Variants in KCNH8 observed in about 807,000 individuals in gnomAD.
The protein encoded by KCNH8 is voltage-gated delayed rectifier potassium channel KCNH8.
In KCNH8, 70 loss-of-function variants were observed where a neutral mutation model predicts 103.6. The ratio of observed to expected loss-of-function variants is 0.68; its 90% CI spans 0.56 to 0.82. The LOEUF is 0.82. KCNH8 is among the 40% of genes least tolerant of loss of function. The pLI is 0.00. For synonymous variants in KCNH8, 498 were observed against 489.4 expected, an observed-to-expected ratio of 1.02 and a Z score of -0.23; for missense variants, 1,217 against 1,329.9, an observed-to-expected ratio of 0.92 and a Z score of 1.32.
intron 11 of KCNH8, among the ~76,000 whole-genome samples, chr3:19,470,660 G>A (rs984432105): frequency 2.6e-5 from 4 of 152,250 alleles, no homozygotes; most frequent in African/African-American, 9.6e-5. Flanking sequence ...GAATCCCTGA[G>A]GGCTGAAGAG....
chr3:19,482,609 T>C lies in KCNH8; in HGVS notation c.2040+25627T>C, dbSNP rs1489219156. 2.0e-5 allele frequency among the ~76,000 whole-genome samples: 3 copies of C among 152,212 alleles called. No homozygotes were observed. The East Asian group carries it at 5.8e-4, about 29-fold the overall frequency. Reference sequence around the variant, plus strand: ...CTTATTACTATTATAACTCTTATTATAAAAGTTTTAAATTCTCCTAGCGCT... The same window carrying C: ...CTTATTACTATTATAACTCTTATTACAAAAGTTTTAAATTCTCCTAGCGCT... On this transcript the variant is annotated intron_variant, in intron 11 of 15. Transcript: ENST00000328405.
chr3:19,352,681 C>A (rs1055719551), intron 5 of KCNH8, among the ~76,000 whole-genome samples: 1 of 152,080 alleles, frequency 6.6e-6, no homozygotes, highest in African/African-American at 2.4e-5. Flanking sequence ...TTCTTTGAAA[C>A]CAGTGAGAAC....
chr3:19,169,855 G>A (rs930708889), intron 1 of KCNH8, among the ~76,000 whole-genome samples: 1 of 152,162 alleles, frequency 6.6e-6, no homozygotes, highest in African/African-American at 2.4e-5. Context: ...TCTAATGACT[G>A]AGAAGTTGTA....
intron 7 of KCNH8, among the ~76,000 whole-genome samples, chr3:19,428,896 CTG>C (rs1489787138): frequency 6.6e-6 from 1 of 152,150 alleles, no homozygotes; most frequent in Non-Finnish European, 1.5e-5. Flanking sequence ...CTGCATTTCG[CTG>C]TGTTTCTTGT....
At chr3:19,246,051 A>C (rs1306814330) in intron 1 of KCNH8, among the ~76,000 whole-genome samples, 1 of 152,138 alleles carries the variant, frequency 6.6e-6, no homozygotes, top group Non-Finnish European at 1.5e-5. Context: ...GAAATTTACA[A>C]AATTTATTGA....
At chr3:19,501,545 G>A (rs563528068) in intron 11 of KCNH8, among the ~76,000 whole-genome samples, 6 of 152,094 alleles carry the variant, frequency 3.9e-5, no homozygotes, top group East Asian at 1.9e-4. Context: ...CTGGCAAACC[G>A]AATCCAGCAG....
intron 7 of KCNH8, among the ~76,000 whole-genome samples, chr3:19,434,640 C>T (rs532181661): frequency 5.3e-5 from 8 of 152,152 alleles, no homozygotes; most frequent in South Asian, 2.1e-4. Context: ...ATGAAGTCCA[C>T]GAGGATGATT....
At position 19,534,822 on chromosome 3, in the gene KCNH8, C is replaced by A. The variant is rs1469742306; in HGVS notation, c.*723C>A. On this transcript the variant is annotated 3_prime_UTR_variant, in exon 16 of 16. Coordinates refer to ENST00000328405, the MANE Select transcript of KCNH8 (RefSeq NM_144633.3). Reference sequence around the variant, plus strand: ...TGCACTACTGTTGTGTATAGTAGATCAAAAATTATTTATTACTAAGAGGAT... The same window carrying A: ...TGCACTACTGTTGTGTATAGTAGATAAAAAATTATTTATTACTAAGAGGAT... 1 of 152,158 alleles carries A rather than the reference C, an allele frequency of 6.6e-6. No homozygotes were observed. The highest frequency in any genetic ancestry group is 1.5e-5 in the Non-Finnish European group (1 of 68,002). The allele number at this position is 152,158 out of a possible 1,614,324, so 9.4% of individuals were successfully genotyped here.
At chr3:19,206,168 G>GTATATATATATATATATATA (rs750765830) in intron 1 of KCNH8, among the ~76,000 whole-genome samples, 2 of 139,240 alleles carry the variant, frequency 1.4e-5, no homozygotes, top group African/African-American at 5.7e-5. Flanking sequence ...TGGTGTGTGT[G>GTATATATATATATATATATA]TATATATATA....
At chr3:19,398,313 G>A (rs1280860910) in intron 7 of KCNH8, among the ~76,000 whole-genome samples, 1 of 151,868 alleles carries the variant, frequency 6.6e-6, no homozygotes, top group African/African-American at 2.4e-5. Flanking sequence ...ATAGAGGGGT[G>A]GCACTAAATC....
rs372584544 is a variant in KCNH8, at chr3:19,439,950, CAGAG to C, written c.1375+1590_1375+1593del. Among the ~76,000 whole-genome samples, 620 of 151,552 alleles carry C rather than the reference CAGAG, an allele frequency of 4.1e-3. 5 individuals carry two copies. The highest frequency in any genetic ancestry group is 0.017 in the Middle Eastern group (5 of 292). Reference sequence around the variant, plus strand: ...AGTGGAGAGAAAAAACAAAAAGAGACAGAGGGAGGAGAGGGAGAGAGATAAAGGA... The same window carrying C: ...AGTGGAGAGAAAAAACAAAAAGAGACGGAGGAGAGGGAGAGAGATAAAGGA... On this transcript the variant is annotated intron_variant, in intron 8 of 15. Coordinates refer to ENST00000328405, the MANE Select transcript of KCNH8 (RefSeq NM_144633.3).
intron 5 of KCNH8, among the ~76,000 whole-genome samples, chr3:19,365,703 T>C (rs2066002677): frequency 6.6e-6 from 1 of 151,978 alleles, no homozygotes; most frequent in Non-Finnish European, 1.5e-5. Flanking sequence ...CTTCATATGA[T>C]TTACATCCTG....
intron 2 of KCNH8, among the ~76,000 whole-genome samples, chr3:19,254,933 C>A (rs1319396833): frequency 6.6e-6 from 1 of 152,108 alleles, no homozygotes; most frequent in Non-Finnish European, 1.5e-5. Context: ...TCTCCTTTCC[C>A]TTTCCCATGG....
chr3:19,221,920 T>C (rs2063879849), intron 1 of KCNH8, among the ~76,000 whole-genome samples: 2 of 151,986 alleles, frequency 1.3e-5, no homozygotes, highest in African/African-American at 4.8e-5. Context: ...CGATGTTGGC[T>C]CACTGCAACC....
At chr3:19,375,338 C>T (rs369123364) in intron 5 of KCNH8, among the ~76,000 whole-genome samples, 34,187 of 148,172 alleles carry the variant, frequency 0.23, 4,320 homozygotes, top group Middle Eastern at 0.3. Flanking sequence ...CTTCCCTTCT[C>T]GCTTCATTTC....
intron 3 of KCNH8, among the ~76,000 whole-genome samples, chr3:19,318,662 TACACACACAC>T (rs141442113): frequency 4.9e-5 from 7 of 142,564 alleles, no homozygotes; most frequent in South Asian, 2.2e-4. Context: ...TGTGTGTGTG[TACACACACAC>T]ACACACACAC....
intron 1 of KCNH8, among the ~76,000 whole-genome samples, chr3:19,207,694 G>C (rs1281055586): frequency 6.6e-6 from 1 of 151,964 alleles, no homozygotes; most frequent in Non-Finnish European, 1.5e-5. Context: ...TGAACAAGTA[G>C]ATAGCTGAAT....
intron 7 of KCNH8, among the ~76,000 whole-genome samples, chr3:19,397,118 G>T (rs1013841560): frequency 2.6e-5 from 4 of 151,670 alleles, no homozygotes; most frequent in Non-Finnish European, 4.4e-5. Flanking sequence ...ACATATAGAG[G>T]TATTTATTTG....
intron 1 of KCNH8, among the ~76,000 whole-genome samples, chr3:19,246,795 G>A (rs1019816059): frequency 2.6e-5 from 4 of 152,104 alleles, no homozygotes; most frequent in African/African-American, 7.2e-5. Context: ...TGTGGGTTAA[G>A]TTTCACTGGG....
Sources: gnomAD v4.1 joint callset for allele counts (sites outside exome capture counted in the v4.1 genomes callset) on GRCh38, gnomAD v4.1.1 for gene constraint, MANE v1.5 for transcripts, NCBI Gene and HGNC (gene_info 2026-07-23, HGNC 2026-07-21) for gene names.